The following STRAP variants were observed in gnomAD, a reference collection of about 807,000 sequenced individuals.
STRAP encodes the protein serine/threonine kinase receptor associated protein.
Under a neutral mutation model 47.0 loss-of-function variants are expected in STRAP, and 16 were observed. The ratio of observed to expected loss-of-function variants is 0.34; its 90% CI spans 0.23 to 0.52. The LOEUF (loss-of-function observed/expected upper bound fraction) is 0.52, where lower values mean the gene tolerates loss of function less well. Ranked by LOEUF, STRAP falls within the 20% of genes least tolerant of loss-of-function variation. STRAP has a pLI of 0.96. For synonymous variants in STRAP, 130 were observed against 142.7 expected (o/e 0.91, Z 0.63); for missense variants, 293 against 420.0 (o/e 0.70, Z 2.64).
At chr12:15,897,837 A>G in intron 6 of STRAP, 45 bp from the exon 7 acceptor site, 3 of 1,361,944 alleles carry the variant, frequency 2.2e-6, no homozygotes, top group Non-Finnish European at 2.9e-6. Context: ...CTCGTTATTT[A>G]TACCATATTC....
Position 15,887,851 on chromosome 12 carries a change from G to A in STRAP, c.249-2077G>A, listed in dbSNP as rs1411541061. 3.3e-5 allele frequency among the ~76,000 whole-genome samples: 5 copies of A among 152,108 alleles called. No homozygotes were observed. The highest frequency in any genetic ancestry group is 7.4e-5 in the Non-Finnish European group (5 of 68,004). ...GTCTCAAAAAAAAAAAGAGAGAGAGGTTTTAAGTTTATGGGAGATTATTTA... is the reference window on the plus strand; with the variant it reads ...GTCTCAAAAAAAAAAAGAGAGAGAGATTTTAAGTTTATGGGAGATTATTTA... On this transcript the variant is annotated intron_variant, in intron 2 of 9. Coordinates refer to ENST00000419869, the MANE Select transcript of STRAP (RefSeq NM_007178.4). This position sits in a 1 kb window ranked among gnomAD's most constrained non-coding sequence, Gnocchi z 5.5.
In STRAP at chr12:15,890,248, A is replaced by G. The variant is rs1463540766; in HGVS notation, c.330+239A>G. On this transcript the variant is annotated intron_variant, in intron 3 of 9. Coordinates refer to ENST00000419869, the MANE Select transcript of STRAP (RefSeq NM_007178.4). The surrounding 1 kb of genome is among the most constrained non-coding windows in gnomAD (Gnocchi z 4.5). ...ACCAGTCCTTCAACATGTAAAAAAC[A>G]TCTGAAAAGCTCAAGTAGCCTTCCC... 6.6e-6 allele frequency among the ~76,000 whole-genome samples: 1 copy of G among 152,230 alleles called. No individual in the cohort carries two copies. The highest frequency in any genetic ancestry group is 1.5e-5 in the Non-Finnish European group (1 of 68,036).
chr12:15,901,222 G>A lies in STRAP; in HGVS notation c.991+210G>A, dbSNP rs141001174. 4.5e-3 allele frequency among the ~76,000 whole-genome samples: 682 copies of A among 152,264 alleles called. 6 individuals are homozygous for A. The highest frequency in any genetic ancestry group is 0.016 in the African/African-American group (645 of 41,536). ...TAGTAGTAATAGGCACAGAGATGTA[G>A]TATGGACACAACCGATGTGGTTACT... On this transcript the variant is annotated intron_variant, in intron 9 of 9. Coordinates refer to ENST00000419869, the MANE Select transcript of STRAP (RefSeq NM_007178.4).
At chr12:15,902,311 G>C (rs1479420136) in intron 9 of STRAP, among the ~76,000 whole-genome samples, 2 of 152,158 alleles carry the variant, frequency 1.3e-5, no homozygotes, top group Non-Finnish European at 2.9e-5. Context: ...AATGAGAACA[G>C]AAAAAGGTAG....
chr12:15,890,586 T>G lies in STRAP; in HGVS notation c.331-11T>G. 1 of 1,602,492 alleles carries G rather than the reference T, an allele frequency of 6.2e-7. No homozygotes were observed. Among genetic ancestry groups the G allele is most frequent in the Non-Finnish European group, 8.5e-7 (1 of 1,174,142 alleles). ...TGGTTAATCTATTCACATTTTACTT[T>G]GTGTTTTCAGGATAGTAATTATTTG... On this transcript the variant is annotated splice_polypyrimidine_tract_variant and intron_variant, in intron 3 of 9. Coordinates refer to ENST00000419869, the MANE Select transcript of STRAP (RefSeq NM_007178.4). The surrounding 1 kb of genome is among the most constrained non-coding windows in gnomAD (Gnocchi z 4.5).
Position 15,894,544 on chromosome 12 carries a change from C to A in STRAP, c.500+401C>A, listed in dbSNP as rs1948045077. 1.3e-5 allele frequency among the ~76,000 whole-genome samples: 2 copies of A among 152,264 alleles called. No homozygotes were observed. The highest frequency in any genetic ancestry group is 3.4e-3 in the Middle Eastern group (1 of 294). On this transcript the variant is annotated intron_variant, in intron 5 of 9. Coordinates refer to ENST00000419869, the MANE Select transcript of STRAP (RefSeq NM_007178.4). The surrounding 1 kb of genome is among the most constrained non-coding windows in gnomAD (Gnocchi z 4.9). ...TTTAATATTATGTGTGAAAAATGTT[C>A]TGAACATTAAAATTTAAGTTGCACC...
chr12:15,902,885 C>CCT, intron 9 of STRAP, 32 bp from the exon 10 acceptor site: 1 of 1,099,926 alleles, frequency 9.1e-7, no homozygotes, highest in Non-Finnish European at 1.2e-6. Flanking sequence ...ACTAATGTGA[C>CCT]TTTTTTTTTT....
chr12:15,883,969 C>T (rs1019282977), intron 2 of STRAP, among the ~76,000 whole-genome samples: 1 of 152,132 alleles, frequency 6.6e-6, no homozygotes, highest in Non-Finnish European at 1.5e-5. Context: ...ATCTCCTTTA[C>T]GAATGCTGCT....
At chr12:15,883,367 CTT>C (rs755944633) in intron 1 of STRAP, among the ~76,000 whole-genome samples, 172 bp from the exon 2 acceptor site, 10 of 152,208 alleles carry the variant, frequency 6.6e-5, no homozygotes, top group Non-Finnish European at 1.5e-4. Flanking sequence ...CTGTTCAGCT[CTT>C]CAGTTAATTT....
chr12:15,886,634 T>C (rs1947974868), intron 2 of STRAP, among the ~76,000 whole-genome samples: 1 of 152,146 alleles, frequency 6.6e-6, no homozygotes, highest in Non-Finnish European at 1.5e-5. Flanking sequence ...CTGTGGGGTG[T>C]AGGAGCGTGT....
chr12:15,893,618 CAAAT>C (rs927274384), intron 4 of STRAP, among the ~76,000 whole-genome samples: 6 of 144,952 alleles, frequency 4.1e-5, no homozygotes, highest in South Asian at 2.2e-4. Flanking sequence ...TATTATTGTA[CAAAT>C]AAATATTGTA....
At chr12:15,888,409 C>T (rs1947988475) in intron 2 of STRAP, among the ~76,000 whole-genome samples, 1 of 152,062 alleles carries the variant, frequency 6.6e-6, no homozygotes, top group East Asian at 1.9e-4. Flanking sequence ...GAGCAAGTTT[C>T]CTGGGCAAAG....
chr12:15,899,313 T>G (rs1410331873), intron 7 of STRAP, among the ~76,000 whole-genome samples: 1 of 152,254 alleles, frequency 6.6e-6, no homozygotes, highest in African/African-American at 2.4e-5. Flanking sequence ...GAAAGGTTCA[T>G]ACTTAAAGGT....
chr12:15,882,650 G>A lies in STRAP; in HGVS notation c.-58G>A. On this transcript the variant is annotated 5_prime_UTR_variant, in exon 1 of 10. Transcript: ENST00000419869. ...CAGCCCGAGGCACTGCAGCAGAAGAGAGAAAAGACAACGACGACCCTCAGC... is the reference window on the plus strand; with the variant it reads ...CAGCCCGAGGCACTGCAGCAGAAGAAAGAAAAGACAACGACGACCCTCAGC... 1 of 1,452,288 alleles carries A rather than the reference G, an allele frequency of 6.9e-7. No homozygotes were observed. Among genetic ancestry groups the A allele is most frequent in the South Asian group, 1.2e-5 (1 of 84,502 alleles). 90.0% of individuals were successfully genotyped at this position (1,452,288 alleles called of 1,614,324 possible). A position where few individuals can be genotyped will look rare whatever the true frequency, so the allele number is the denominator to read the frequency against.
In STRAP at chr12:15,896,487, A is replaced by G. The variant is rs1201804231; in HGVS notation, c.638+991A>G. ...AGGTGCAAGAGTGATAATGGTAGTT[A>G]TATTTTCTGCTAGTCCATTTTTCTA... On this transcript the variant is annotated intron_variant, in intron 6 of 9. Coordinates refer to ENST00000419869, the MANE Select transcript of STRAP (RefSeq NM_007178.4). This position sits in a 1 kb window ranked among gnomAD's most constrained non-coding sequence, Gnocchi z 4.1. Among the ~76,000 whole-genome samples the G allele has an allele frequency of 6.6e-6, 1 of 152,120 alleles. No individual in the cohort carries two copies. The highest frequency in any genetic ancestry group is 1.9e-4 in the East Asian group (1 of 5,172).
At chr12:15,884,346 C>T (rs978369031) in intron 2 of STRAP, among the ~76,000 whole-genome samples, 28 of 152,004 alleles carry the variant, frequency 1.8e-4, no homozygotes, top group African/African-American at 6.5e-4. Flanking sequence ...TGCCAGTTGT[C>T]TTCCTAAAAA....
rs191531466 is a variant in STRAP, at chr12:15,882,675, C to T, written c.-33C>T. 6.0e-5 allele frequency: 95 copies of T among 1,570,836 alleles called. 1 individual carries two copies. The African/African-American group carries it at 1.2e-3, about 20-fold the overall frequency. ...GAGAAAAGACAACGACGACCCTCAG[C>T]TCGCCAGTCCGGTCGCTGGCTTCGC... On this transcript the variant is annotated 5_prime_UTR_variant, in exon 1 of 10. Transcript: ENST00000419869.
intron 5 of STRAP, 120 bp from the exon 6 acceptor site, chr12:15,895,235 GGAAT>G (rs1948050194): frequency 1.6e-5 from 12 of 769,058 alleles, no homozygotes; most frequent in Non-Finnish European, 1.9e-5. Flanking sequence ...TTTGTGACTT[GGAAT>G]GAATGTTGTT....
In STRAP at chr12:15,882,795, T is replaced by C. The variant is rs756773642; in HGVS notation, c.88T>C (p.Tyr30His). ...CTTCAGTGGCATCACGCCTTATGGG[T>C]ATTTCTTAATCAGCGCTTGCAAAGG... Reference protein sequence around the residue: ...LAFSGITPYGYFLISACKDGK... With the variant: ...LAFSGITPYGHFLISACKDGK... Residue 30 changes from tyrosine (Y) to histidine (H), a missense_variant, in exon 1 of 10, where the codon TAT becomes CAT. Physicochemically the swap from Tyr to His is moderately conservative, Grantham distance 83. Transcript: ENST00000419869. 1 of 1,613,478 alleles carries C rather than the reference T, an allele frequency of 6.2e-7. No individual in the cohort carries two copies. The highest frequency in any genetic ancestry group is 8.5e-7 in the Non-Finnish European group (1 of 1,179,906).
Sources: gnomAD v4.1 joint callset for allele counts (sites outside exome capture counted in the v4.1 genomes callset) on GRCh38, gnomAD v4.1.1 for gene constraint, Gnocchi (gnomAD v3.1) non-coding constraint, MANE v1.5 for transcripts, NCBI Gene and HGNC (gene_info 2026-07-23, HGNC 2026-07-21) for gene names.